CTNND2: variants seen among roughly 807,000 people sequenced by gnomAD.
The protein encoded by CTNND2 is catenin delta-2.
CTNND2 carries 22 observed loss-of-function variants against 144.4 expected under a neutral mutation model. The observed-to-expected ratio is 0.15, with a 90% CI of 0.11 to 0.22. CTNND2 has a LOEUF of 0.22. Ranked by LOEUF, CTNND2 falls within the 10% of genes least tolerant of loss-of-function variation. CTNND2 has a pLI of 1.00. For missense variants in CTNND2, 1,353 were observed against 1,618.8 expected (o/e 0.84, Z 2.82); for synonymous variants, 751 against 695.6 (o/e 1.08, Z -1.25).
intron 3 of CTNND2, among the ~76,000 whole-genome samples, chr5:11,524,127 A>G (rs1262071868): frequency 6.6e-6 from 1 of 152,146 alleles, no homozygotes; most frequent in Non-Finnish European, 1.5e-5. Flanking sequence ...GTGAAGCCCT[A>G]AAGCCTGGGG....
intron 3 of CTNND2, among the ~76,000 whole-genome samples, chr5:11,424,569 A>T (rs1231335519): frequency 6.6e-6 from 1 of 152,082 alleles, no homozygotes; most frequent in Non-Finnish European, 1.5e-5. Context: ...TAAGCAAGAT[A>T]AGACTATTGG....
chr5:11,453,965 T>A (rs1032743110), intron 3 of CTNND2, among the ~76,000 whole-genome samples: 1 of 152,098 alleles, frequency 6.6e-6, no homozygotes, highest in African/African-American at 2.4e-5. Context: ...AAATACAAAT[T>A]TATTCTATCA....
At chr5:11,537,332 CT>C (rs1341751180) in intron 3 of CTNND2, among the ~76,000 whole-genome samples, 1 of 152,056 alleles carries the variant, frequency 6.6e-6, no homozygotes, top group Admixed American at 6.6e-5. Context: ...AAACAAAATC[CT>C]TTCTCTGATT....
At chr5:11,790,529 G>A (rs1210944557) in intron 1 of CTNND2, among the ~76,000 whole-genome samples, 1 of 152,104 alleles carries the variant, frequency 6.6e-6, no homozygotes, top group Non-Finnish European at 1.5e-5. Context: ...ACTGAGTAAG[G>A]TAATGCTCAC....
chr5:11,772,720 G>T (rs1462327161), intron 1 of CTNND2, among the ~76,000 whole-genome samples: 2 of 152,300 alleles, frequency 1.3e-5, no homozygotes, highest in African/African-American at 4.8e-5. Context: ...GTCACACAAA[G>T]CCCCACAGAT....
chr5:11,200,089 A>T (rs1172634541), intron 10 of CTNND2, among the ~76,000 whole-genome samples: 2 of 152,228 alleles, frequency 1.3e-5, no homozygotes, highest in Non-Finnish European at 2.9e-5. Context: ...TATGCTTAAT[A>T]GGGATATGCT....
At chr5:11,008,204 G>A (rs1740692236) in intron 18 of CTNND2, among the ~76,000 whole-genome samples, 1 of 152,184 alleles carries the variant, frequency 6.6e-6, no homozygotes, top group Non-Finnish European at 1.5e-5. Flanking sequence ...CATAGAAGAT[G>A]TCACCATCCT....
chr5:11,160,553 GA>G (rs1758669465), intron 11 of CTNND2, among the ~76,000 whole-genome samples: 1 of 152,104 alleles, frequency 6.6e-6, no homozygotes. Flanking sequence ...AACATCATTT[GA>G]AAATGCTTTT....
At chr5:11,844,447 C>T (rs377394600) in intron 1 of CTNND2, among the ~76,000 whole-genome samples, 58 of 152,012 alleles carry the variant, frequency 3.8e-4, no homozygotes, top group African/African-American at 1.3e-3. Context: ...ACTAATAATG[C>T]AACCTCTAAA....
chr5:11,257,966 C>T (rs1477679440), intron 9 of CTNND2, among the ~76,000 whole-genome samples: 5 of 152,182 alleles, frequency 3.3e-5, no homozygotes, highest in Non-Finnish European at 4.4e-5. Context: ...CCTCTTCCAT[C>T]GGGGAATAGA....
At chr5:11,842,983 GA>G (rs1260936536) in intron 1 of CTNND2, among the ~76,000 whole-genome samples, 2 of 152,078 alleles carry the variant, frequency 1.3e-5, no homozygotes, top group African/African-American at 4.8e-5. Flanking sequence ...TTGTATAGAA[GA>G]AACATTAACT....
At chr5:11,496,783 G>T (rs763006671) in intron 3 of CTNND2, among the ~76,000 whole-genome samples, 11 of 152,224 alleles carry the variant, frequency 7.2e-5, no homozygotes, top group Middle Eastern at 3.4e-3. Flanking sequence ...AGAAACAGTG[G>T]TATATGTTAG....
chr5:11,456,811 C>T (rs1242143439), intron 3 of CTNND2, among the ~76,000 whole-genome samples: 2 of 152,058 alleles, frequency 1.3e-5, no homozygotes, highest in Admixed American at 6.6e-5. Flanking sequence ...AATATGAAGG[C>T]ACTACTTATT....
chr5:11,202,989 G>C (rs1737632739), intron 10 of CTNND2, among the ~76,000 whole-genome samples: 1 of 152,022 alleles, frequency 6.6e-6, no homozygotes, highest in South Asian at 2.1e-4. Context: ...ATTTTCAGTA[G>C]AGACGGGATT....
chr5:11,850,181 C>T (rs565041269), intron 1 of CTNND2, among the ~76,000 whole-genome samples: 1 of 152,062 alleles, frequency 6.6e-6, no homozygotes, highest in South Asian at 2.1e-4. Flanking sequence ...TAATACAGAG[C>T]TCTCATGTAT....
intron 9 of CTNND2, among the ~76,000 whole-genome samples, chr5:11,293,601 T>C (rs1365189061): frequency 1.3e-5 from 2 of 151,702 alleles, no homozygotes; most frequent in Admixed American, 1.3e-4. Context: ...AAAATTACAT[T>C]CTAAAAACAT....
intron 18 of CTNND2, among the ~76,000 whole-genome samples, chr5:11,000,291 G>T (rs1289903227): frequency 6.6e-6 from 1 of 152,188 alleles, no homozygotes; most frequent in Non-Finnish European, 1.5e-5. Flanking sequence ...GGGAGGCCGA[G>T]GCGGGCAGAT....
intron 3 of CTNND2, among the ~76,000 whole-genome samples, chr5:11,558,512 A>G (rs1458289477): frequency 2.0e-5 from 3 of 152,110 alleles, no homozygotes; most frequent in Non-Finnish European, 2.9e-5. Context: ...ACTACAGGAG[A>G]GCATCACCAC....
intron 2 of CTNND2, among the ~76,000 whole-genome samples, chr5:11,689,192 T>C (rs1401729029): frequency 6.6e-6 from 1 of 152,248 alleles, no homozygotes; most frequent in African/African-American, 2.4e-5. Context: ...AGACTCAGCA[T>C]CTACTACTGA....
Sources: allele counts gnomAD v4.1 joint callset (sites outside exome capture counted in the v4.1 genomes callset), GRCh38; gene constraint gnomAD v4.1.1; transcripts MANE v1.5; gene names NCBI Gene and HGNC (gene_info 2026-07-23, HGNC 2026-07-21).